The following TCTN1 variants were observed in gnomAD, a reference collection of about 807,000 sequenced individuals.
The protein encoded by TCTN1 is tectonic-1.
Under a neutral mutation model 65.8 loss-of-function variants are expected in TCTN1, and 58 were observed. The ratio of observed to expected loss-of-function variants is 0.88; its 90% CI spans 0.71 to 1.10. TCTN1 has a LOEUF of 1.10. TCTN1 is among the 50% of genes least tolerant of loss of function. The pLI, the probability that TCTN1 is intolerant of heterozygous loss-of-function variation, is 0.00. For synonymous variants in TCTN1, 273 were observed against 289.1 expected (o/e 0.94, Z 0.57); for missense variants, 645 against 719.4 (o/e 0.90, Z 1.18).
intron 1 of TCTN1, among the ~76,000 whole-genome samples, chr12:110,619,416 G>A (rs928895751): frequency 2.0e-5 from 3 of 152,148 alleles, no homozygotes; most frequent in Admixed American, 2.0e-4. Context: ...CCTCTGAATC[G>A]TAATCTCTAG....
chr12:110,647,237 G>T lies in TCTN1; in HGVS notation c.1536G>T (p.Leu512Phe), dbSNP rs1318041375. 1 of 1,614,182 alleles carries T rather than the reference G, an allele frequency of 6.2e-7. No homozygotes were observed. The highest frequency in any genetic ancestry group is 2.2e-5 in the East Asian group (1 of 44,884). ...ATTCCTGCCAGCTCCCAGGGGCTTT[G>T]GTTATAGAAGTGAAGTGGACTAAAT... is the stretch of plus-strand genomic sequence containing the variant. ...LQDSCQLPGA[L>F]VIEVKWTKYG... Residue 512 changes from leucine (L) to phenylalanine (F), a missense_variant, in exon 13 of 15, where the codon TTG becomes TTT. Leu to Phe is a conservative substitution (Grantham distance 22). Coordinates refer to ENST00000397659, the MANE Select transcript of TCTN1 (RefSeq NM_001082538.3).
chr12:110,635,440 C>A (rs2066499626), intron 6 of TCTN1, among the ~76,000 whole-genome samples: 1 of 152,104 alleles, frequency 6.6e-6, no homozygotes, highest in Non-Finnish European at 1.5e-5. Flanking sequence ...CATAATGAGA[C>A]CCTGTCCCTA....
chr12:110,643,950 G>C (rs1392779239), intron 11 of TCTN1: 1 of 152,210 alleles, frequency 6.6e-6, no homozygotes, highest in South Asian at 2.1e-4. Flanking sequence ...GGGATTACAG[G>C]TGTGAGCCAG....
intron 3 of TCTN1, 133 bp downstream of exon 3, chr12:110,626,625 G>A (rs1466728017): frequency 4.0e-6 from 4 of 988,176 alleles, no homozygotes; most frequent in African/African-American, 3.3e-5. Flanking sequence ...TGTCACCCAG[G>A]CTGGCGTGCA....
intron 6 of TCTN1, chr12:110,636,256 C>T (rs934349196): frequency 2.1e-6 from 1 of 474,288 alleles, no homozygotes; most frequent in Non-Finnish European, 3.8e-6. Flanking sequence ...TGAGCTTCTA[C>T]CTGGAGGAAA....
intron 3 of TCTN1, chr12:110,627,994 C>T (rs186584772): frequency 1.7e-5 from 26 of 1,500,600 alleles, no homozygotes; most frequent in East Asian, 4.9e-5. Context: ...GGTTCTCTGT[C>T]GTAACACCAG....
chr12:110,629,724 C>T (rs1431954213), intron 4 of TCTN1: 1 of 152,150 alleles, frequency 6.6e-6, no homozygotes, highest in Non-Finnish European at 1.5e-5. Flanking sequence ...TACCATTTGA[C>T]CCAGCAATTC....
intron 2 of TCTN1, among the ~76,000 whole-genome samples, 171 bp from the exon 3 acceptor site, chr12:110,626,191 C>T (rs181175791): frequency 6.7e-6 from 1 of 150,018 alleles, no homozygotes; most frequent in African/African-American, 2.4e-5. Context: ...TGGGTTCATG[C>T]CATTCTCCCG....
At chr12:110,632,876 T>G (rs1475638887) in intron 5 of TCTN1, among the ~76,000 whole-genome samples, 1 of 152,152 alleles carries the variant, frequency 6.6e-6, no homozygotes, top group Non-Finnish European at 1.5e-5. Flanking sequence ...CTCACTCAAT[T>G]GTTTAACACT....
chr12:110,616,254 A>G (rs894240715), intron 1 of TCTN1: 1 of 338,732 alleles, frequency 3.0e-6, no homozygotes, highest in African/African-American at 2.3e-5. Flanking sequence ...CTCACACTTT[A>G]TTTTTTTTTT....
Position 110,639,456 on chromosome 12 carries a change from G to A in TCTN1, c.844-927G>A, listed in dbSNP as rs1052519067. Among the ~76,000 whole-genome samples, 4 of 152,168 alleles carry A rather than the reference G, an allele frequency of 2.6e-5. No individual in the cohort carries two copies. The highest frequency in any genetic ancestry group is 6.5e-5 in the Admixed American group (1 of 15,288). ...GAAACCACTGTGTGTGTGTGTGTGT[G>A]TGTGTATGTGTGTGTGAGCGTGCTT... On this transcript the variant is annotated intron_variant, in intron 7 of 14. Coordinates refer to ENST00000397659, the MANE Select transcript of TCTN1 (RefSeq NM_001082538.3). This position sits in a 1 kb window ranked among gnomAD's most constrained non-coding sequence, Gnocchi z 4.9.
intron 9 of TCTN1, 37 bp downstream of exon 9, chr12:110,641,186 C>G: frequency 6.2e-7 from 1 of 1,613,604 alleles, no homozygotes; most frequent in Admixed American, 1.7e-5. Flanking sequence ...ATTTAATTGC[C>G]AAGTTAAAAA....
At chr12:110,615,948 A>G (rs557277246) in intron 1 of TCTN1, among the ~76,000 whole-genome samples, 50 of 152,340 alleles carry the variant, frequency 3.3e-4, no homozygotes, top group African/African-American at 1.2e-3. Flanking sequence ...TGAAAGAAAA[A>G]GTACAGAGAA....
chr12:110,623,379 G>A (rs1342128943), intron 2 of TCTN1, among the ~76,000 whole-genome samples: 3 of 152,292 alleles, frequency 2.0e-5, no homozygotes, highest in African/African-American at 7.2e-5. Context: ...CAGTAAAAAC[G>A]GAATGATAAT....
chr12:110,629,181 A>G, intron 4 of TCTN1: 1 of 558,614 alleles, frequency 1.8e-6, no homozygotes, highest in East Asian at 2.9e-5. Context: ...GGACATAGAC[A>G]TGGGCAAAGA....
intron 2 of TCTN1, among the ~76,000 whole-genome samples, chr12:110,620,493 A>G (rs1420281788): frequency 2.0e-5 from 3 of 152,154 alleles, no homozygotes. Context: ...ACATTAAAAT[A>G]ATGTAATGAA....
At chr12:110,616,180 C>G (rs1193508883) in intron 1 of TCTN1, 1 of 342,098 alleles carries the variant, frequency 2.9e-6, no homozygotes, top group Non-Finnish European at 6.1e-6. Context: ...ATGCTTGAAA[C>G]ATCATTATTA....
At chr12:110,643,353 A>C (rs943699257) in intron 11 of TCTN1, 6 of 152,204 alleles carry the variant, frequency 3.9e-5, no homozygotes, top group Non-Finnish European at 5.9e-5. Flanking sequence ...TTATCTTATC[A>C]AATATGTACA....
intron 1 of TCTN1, chr12:110,616,258 T>C: frequency 2.3e-6 from 1 of 441,072 alleles, no homozygotes; most frequent in Non-Finnish European, 4.5e-6. Flanking sequence ...CACTTTATTT[T>C]TTTTTTTTTT....
Sources: allele counts gnomAD v4.1 joint callset (sites outside exome capture counted in the v4.1 genomes callset), GRCh38; gene constraint gnomAD v4.1.1; non-coding constraint Gnocchi (gnomAD v3.1); transcripts MANE v1.5; gene names NCBI Gene and HGNC (gene_info 2026-07-23, HGNC 2026-07-21).